CAST: variants seen among roughly 807,000 people sequenced by gnomAD.
CAST encodes MIR583 host.
In CAST, 76 loss-of-function variants were observed where a neutral mutation model predicts 119.6. The observed-to-expected ratio is 0.64, with a 90% CI of 0.53 to 0.77. The LOEUF (loss-of-function observed/expected upper bound fraction) is 0.77. Ranked by LOEUF, CAST falls within the 30% of genes least tolerant of loss-of-function variation. The probability of loss-of-function intolerance (pLI) is 0.00; values close to 1 mark genes in which losing one functional copy is unlikely to be tolerated. For synonymous variants in CAST, 319 were observed against 331.6 expected (o/e 0.96, Z 0.41); for missense variants, 953 against 946.5 (o/e 1.01, Z -0.09).
chr5:96,112,003 G>GT, the CAST span, among the ~76,000 whole-genome samples: 5 of 150,760 alleles, frequency 3.3e-5, no homozygotes, highest in African/African-American at 1.2e-4. Context: ...ATTTTATATA[G>GT]TTTTTTATAA....
At chr5:96,327,290 T>C in the CAST span, among the ~76,000 whole-genome samples, 1 of 152,232 alleles carries the variant, frequency 6.6e-6, no homozygotes, top group African/African-American at 2.4e-5. Context: ...GTAATTGTTA[T>C]CATTATCATG....
intron 24 of CAST, among the ~76,000 whole-genome samples, chr5:96,759,384 T>C (rs1310737085): frequency 6.6e-6 from 1 of 152,134 alleles, no homozygotes; most frequent in Non-Finnish European, 1.5e-5. Flanking sequence ...ATCACATTGA[T>C]AATAGACTAT....
chr5:96,090,667 T>C, the CAST span, among the ~76,000 whole-genome samples: 1 of 152,082 alleles, frequency 6.6e-6, no homozygotes, highest in Non-Finnish European at 1.5e-5. Context: ...TTAAAAATCA[T>C]GTCTGTGTTG....
chr5:96,413,963 CAAAAAAAAAAAA>C, the CAST span, among the ~76,000 whole-genome samples: 1 of 22,436 alleles, frequency 4.5e-5, no homozygotes. Context: ...ACTAAAAATA[CAAAAAAAAAAAA>C]AAAAAAAAAA....
At chr5:96,501,959 ATG>A in the CAST span, among the ~76,000 whole-genome samples, 1 of 152,244 alleles carries the variant, frequency 6.6e-6, no homozygotes, top group Non-Finnish European at 1.5e-5. Flanking sequence ...GTGTACACCT[ATG>A]ATATACCTAC....
At chr5:96,134,684 G>A in the CAST span, among the ~76,000 whole-genome samples, 1 of 152,188 alleles carries the variant, frequency 6.6e-6, no homozygotes, top group African/African-American at 2.4e-5. Flanking sequence ...GGTACCTAAA[G>A]GCACAGGAGA....
chr5:96,608,151 A>C (rs1561428847), intron 1 of CAST, among the ~76,000 whole-genome samples: 1 of 152,118 alleles, frequency 6.6e-6, no homozygotes, highest in Non-Finnish European at 1.5e-5. Flanking sequence ...CTCTACATCT[A>C]CAAGTTCAAT....
At chr5:96,606,973 T>C (rs1580843342) in intron 1 of CAST, among the ~76,000 whole-genome samples, 1 of 152,306 alleles carries the variant, frequency 6.6e-6, no homozygotes, top group East Asian at 1.9e-4. Context: ...CCCAGATGAA[T>C]CTGATGTGTG....
chr5:96,772,254 C>T (rs1214720887), intron 31 of CAST: 1 of 153,636 alleles, frequency 6.5e-6, no homozygotes, highest in Non-Finnish European at 1.5e-5. Flanking sequence ...AGAAACTGGA[C>T]AGATTGAAGG....
chr5:96,095,986 A>T, the CAST span, among the ~76,000 whole-genome samples: 3 of 152,150 alleles, frequency 2.0e-5, no homozygotes, highest in Non-Finnish European at 4.4e-5. Flanking sequence ...AGTTTAATTG[A>T]TTTTGTAGAC....
intron 1 of CAST, among the ~76,000 whole-genome samples, chr5:96,574,604 CTT>C (rs1365263203): frequency 2.6e-5 from 4 of 152,146 alleles, no homozygotes; most frequent in Non-Finnish European, 5.9e-5. Flanking sequence ...TCTAAGAACT[CTT>C]TGCCTAGCCC....
At chr5:96,386,587 C>T in the CAST span, among the ~76,000 whole-genome samples, 695 of 152,250 alleles carry the variant, frequency 4.6e-3, 7 homozygotes, top group African/African-American at 0.015. Context: ...TTCTAAAGTC[C>T]GTTTTGTTTT....
At chr5:96,413,565 C>T in the CAST span, among the ~76,000 whole-genome samples, 2 of 152,042 alleles carry the variant, frequency 1.3e-5, no homozygotes, top group Non-Finnish European at 2.9e-5. Flanking sequence ...TTTGGGAGGC[C>T]GAGGTGGGTG....
chr5:96,065,143 T>C, the CAST span, among the ~76,000 whole-genome samples: 1 of 152,148 alleles, frequency 6.6e-6, no homozygotes, highest in South Asian at 2.1e-4. Flanking sequence ...AGAGGGATAG[T>C]ACATTTCTTT....
chr5:96,341,062 A>G, the CAST span, among the ~76,000 whole-genome samples: 1 of 152,242 alleles, frequency 6.6e-6, no homozygotes, highest in African/African-American at 2.4e-5. Flanking sequence ...CCTAGGACTA[A>G]TAAAACTAGA....
the CAST span, among the ~76,000 whole-genome samples, chr5:96,316,282 C>T: frequency 3.6e-4 from 55 of 152,224 alleles, no homozygotes; most frequent in African/African-American, 1.3e-3. Context: ...GAAATCTTAC[C>T]TAGAATGCAA....
At chr5:96,664,581 T>A (rs1331037390) in intron 1 of CAST, among the ~76,000 whole-genome samples, 1 of 152,172 alleles carries the variant, frequency 6.6e-6, no homozygotes, top group African/African-American at 2.4e-5. Flanking sequence ...TTTTAAAGCC[T>A]CCATGTACAC....
At chr5:96,672,235 C>T (rs1409064278) in intron 1 of CAST, among the ~76,000 whole-genome samples, 2 of 152,088 alleles carry the variant, frequency 1.3e-5, no homozygotes, top group African/African-American at 4.8e-5. Context: ...CTCTGTCTCT[C>T]TCTCTCTCTC....
chr5:96,760,283 G>T (rs1419816122), intron 24 of CAST, among the ~76,000 whole-genome samples: 1 of 151,778 alleles, frequency 6.6e-6, no homozygotes, highest in African/African-American at 2.4e-5. Flanking sequence ...TTCAGTAGCA[G>T]GAAAACTGTC....
Sources: gnomAD v4.1 joint callset for allele counts (sites outside exome capture counted in the v4.1 genomes callset) on GRCh38, gnomAD v4.1.1 for gene constraint, MANE v1.5 for transcripts, NCBI Gene and HGNC (gene_info 2026-07-23, HGNC 2026-07-21) for gene names.